The following DMD variants were observed in gnomAD, a reference collection of about 807,000 sequenced individuals.
DMD encodes mutant dystrophin.
DMD carries 63 observed loss-of-function variants against 330.1 expected under a neutral mutation model. That is an observed-to-expected ratio of 0.19 (90% CI 0.16 to 0.24). DMD has a LOEUF of 0.24. DMD is among the 10% of genes least tolerant of loss of function. The pLI is 1.00. For missense variants in DMD, 3,344 were observed against 2,684.1 expected, an observed-to-expected ratio of 1.25 and a Z score of -5.43; for synonymous variants, 1,223 against 959.8, an observed-to-expected ratio of 1.27 and a Z score of -5.07.
At chrX:31,423,417 T>A (rs948179512) in intron 60 of DMD, among the ~76,000 whole-genome samples, 1 of 111,727 alleles carries the variant, frequency 9.0e-6, no homozygotes, top group East Asian at 2.8e-4. Flanking sequence ...TTCATCTTCC[T>A]TTGGGCGCAT....
intron 9 of DMD, among the ~76,000 whole-genome samples, chrX:32,694,475 C>A (rs963867590): frequency 1.8e-5 from 2 of 111,468 alleles, no homozygotes; most frequent in African/African-American, 6.5e-5. Flanking sequence ...AAGTAAGAAA[C>A]CTCACGGTAA....
intron 52 of DMD, among the ~76,000 whole-genome samples, chrX:31,689,396 C>G (rs769713037): frequency 1.8e-5 from 2 of 111,546 alleles, no homozygotes; most frequent in East Asian, 2.8e-4. Flanking sequence ...AAAATACCTA[C>G]AAATACAACT....
chrX:32,731,729 C>A (rs1040614972), intron 7 of DMD, among the ~76,000 whole-genome samples: 2 of 112,032 alleles, frequency 1.8e-5, no homozygotes, highest in Non-Finnish European at 3.8e-5. Flanking sequence ...AACTAACAAA[C>A]AGAAAGGACA....
At chrX:31,643,357 T>G (rs977839985) in intron 54 of DMD, among the ~76,000 whole-genome samples, 2 of 111,652 alleles carry the variant, frequency 1.8e-5, no homozygotes, top group African/African-American at 3.3e-5. Context: ...ATGTAAAAAT[T>G]TAGTGTTTGT....
chrX:32,580,740 T>G (rs1230530166), intron 13 of DMD, among the ~76,000 whole-genome samples: 3 of 112,284 alleles, frequency 2.7e-5, no homozygotes, highest in African/African-American at 9.7e-5. Flanking sequence ...TTTTTTTCTA[T>G]ACTTGATAAA....
At chrX:31,777,715 G>A (rs1018271806) in intron 50 of DMD, among the ~76,000 whole-genome samples, 2 of 111,788 alleles carry the variant, frequency 1.8e-5, no homozygotes, top group African/African-American at 3.3e-5. Context: ...TTTCACCTGT[G>A]TAACTATGAA....
chrX:32,374,108 G>A (rs1442278463), intron 34 of DMD, among the ~76,000 whole-genome samples: 2 of 111,018 alleles, frequency 1.8e-5, no homozygotes, highest in African/African-American at 6.5e-5. Flanking sequence ...GTCTTCTTTC[G>A]AGGAGTGTCT....
intron 60 of DMD, among the ~76,000 whole-genome samples, chrX:31,388,399 C>G (rs965505598): frequency 9.0e-6 from 1 of 110,860 alleles, no homozygotes; most frequent in African/African-American, 3.3e-5. Flanking sequence ...TGGCGCCTGG[C>G]ATATAACAGA....
intron 11 of DMD, chrX:32,641,428 A>ATATATATC (rs2059449137): frequency 8.5e-6 from 1 of 117,058 alleles, no homozygotes; most frequent in Non-Finnish European, 1.9e-5. Flanking sequence ...ATATATATAT[A>ATATATATC]TATATATATC....
At chrX:32,997,972 T>C (rs762437939) in intron 2 of DMD, among the ~76,000 whole-genome samples, 1 of 112,110 alleles carries the variant, frequency 8.9e-6, no homozygotes, top group East Asian at 2.8e-4. Flanking sequence ...TTTTTCCTTA[T>C]ATATCTTTCA....
At chrX:32,244,230 G>A (rs1045146104) in intron 43 of DMD, among the ~76,000 whole-genome samples, 4 of 105,586 alleles carry the variant, frequency 3.8e-5, no homozygotes, top group East Asian at 3.1e-4. Flanking sequence ...TTGTTCTTGC[G>A]ATAGTTTACT....
intron 16 of DMD, among the ~76,000 whole-genome samples, chrX:32,554,878 G>GAAGAAAGAAAGAAAGA (rs769646135): frequency 1.5e-4 from 5 of 32,724 alleles, no homozygotes; most frequent in Non-Finnish European, 3.1e-4. Flanking sequence ...GAGAAGGAAA[G>GAAGAAAGAAAGAAAGA]AAGAAAGAAA....
chrX:32,794,617 G>T (rs1411980703), intron 7 of DMD, among the ~76,000 whole-genome samples: 1 of 110,943 alleles, frequency 9.0e-6, no homozygotes, highest in African/African-American at 3.3e-5. Context: ...ACAAAAAAAA[G>T]AACAAGACAA....
intron 9 of DMD, among the ~76,000 whole-genome samples, chrX:32,650,860 A>C (rs1057230765): frequency 4.5e-5 from 5 of 112,160 alleles, no homozygotes; most frequent in Non-Finnish European, 9.4e-5. Flanking sequence ...TTATTTATTG[A>C]GTACTTAGTG....
At chrX:31,989,221 T>G (rs1259182011) in intron 44 of DMD, among the ~76,000 whole-genome samples, 1 of 111,469 alleles carries the variant, frequency 9.0e-6, no homozygotes, top group African/African-American at 3.3e-5. Context: ...AGAAACAGCC[T>G]CATAAACACA....
At chrX:32,026,006 T>A (rs1316598878) in intron 44 of DMD, among the ~76,000 whole-genome samples, 2 of 112,330 alleles carry the variant, frequency 1.8e-5, no homozygotes, top group Non-Finnish European at 3.8e-5. Context: ...ATAATTTCTG[T>A]AGAAGTAGTC....
At position 31,290,314 on chromosome X, in the gene DMD, T is replaced by C. The variant is rs139793120; in HGVS notation, c.9225-29298A>G. On this transcript the variant is annotated intron_variant, in intron 62 of 78. Transcript: ENST00000357033. Reference sequence around the variant, plus strand: ...TAGGTAATGCATTTGGTGATGGTAGTATTAATAGTAATGAGCTAATACCTC... The same window carrying C: ...TAGGTAATGCATTTGGTGATGGTAGCATTAATAGTAATGAGCTAATACCTC... Among the ~76,000 whole-genome samples, 488 of 111,563 alleles carry C rather than the reference T, an allele frequency of 4.4e-3. 3 individuals carry two copies. The highest frequency in any genetic ancestry group is 0.015 in the African/African-American group (464 of 30,756).
intron 44 of DMD, among the ~76,000 whole-genome samples, chrX:32,154,641 T>C (rs2062518690): frequency 1.8e-5 from 2 of 111,449 alleles, no homozygotes; most frequent in Admixed American, 9.6e-5. Flanking sequence ...CAGAAAACAA[T>C]CAAGGTTCTC....
intron 1 of DMD, among the ~76,000 whole-genome samples, chrX:33,218,807 T>C (rs1352228525): frequency 1.8e-5 from 2 of 111,659 alleles, no homozygotes; most frequent in Non-Finnish European, 3.8e-5. Flanking sequence ...TTTTTTTCCT[T>C]CTTGTTACGA....
Sources: allele counts gnomAD v4.1 joint callset (sites outside exome capture counted in the v4.1 genomes callset), GRCh38; gene constraint gnomAD v4.1.1; transcripts MANE v1.5; gene names NCBI Gene and HGNC (gene_info 2026-07-23, HGNC 2026-07-21).